Variants in TMEFF2 observed in about 807,000 individuals in gnomAD.
TMEFF2 encodes transmembrane protein with EGF like and two follistatin like domains 2.
In TMEFF2, 28 loss-of-function variants were observed where a neutral mutation model predicts 53.8. That is an observed-to-expected ratio of 0.52 (90% CI 0.39 to 0.71). The LOEUF is 0.71. Among genes scored for constraint, TMEFF2 ranks in the 30% least tolerant of loss-of-function variants. The probability of loss-of-function intolerance (pLI) is 0.00; values close to 1 mark genes in which losing one functional copy is unlikely to be tolerated. For missense variants in TMEFF2, 353 were observed against 455.2 expected, an observed-to-expected ratio of 0.78 and a Z score of 2.04; for synonymous variants, 162 against 166.3, an observed-to-expected ratio of 0.97 and a Z score of 0.20.
rs775041815 is a variant in TMEFF2, at chr2:191,998,331, A to G, written c.686-10T>C. Reference sequence around the variant, plus strand: ...GTTGTAGTTGTGTTATCTGTGTTAAAAAATTAACAATAAAAATTGATTAAC... The same window carrying G: ...GTTGTAGTTGTGTTATCTGTGTTAAGAAATTAACAATAAAAATTGATTAAC... On this transcript the variant is annotated splice_polypyrimidine_tract_variant and intron_variant, in intron 6 of 9. Transcript: ENST00000272771. The G allele has an allele frequency of 6.3e-7, 1 of 1,579,592 alleles. No homozygotes were observed. The highest frequency in any genetic ancestry group is 1.4e-5 in the African/African-American group (1 of 73,342).
intron 5 of TMEFF2, chr2:192,043,810 AAC>A (rs1264230442): frequency 1.3e-5 from 2 of 152,228 alleles, no homozygotes; most frequent in Non-Finnish European, 2.9e-5. Flanking sequence ...AACACAAAGA[AAC>A]ACTACATTCC....
At chr2:192,055,600 C>A (rs1337984982) in intron 5 of TMEFF2, among the ~76,000 whole-genome samples, 9 of 151,624 alleles carry the variant, frequency 5.9e-5, no homozygotes, top group Admixed American at 5.9e-4. Flanking sequence ...TATGATGAAA[C>A]CCCATCTCTA....
At chr2:192,039,838 G>A (rs1687428938) in intron 5 of TMEFF2, among the ~76,000 whole-genome samples, 1 of 152,010 alleles carries the variant, frequency 6.6e-6, no homozygotes, top group Admixed American at 6.6e-5. Flanking sequence ...CTAATCTCTG[G>A]CTGAGATTAT....
chr2:192,054,030 T>C (rs2105899417), intron 5 of TMEFF2, among the ~76,000 whole-genome samples: 1 of 152,102 alleles, frequency 6.6e-6, no homozygotes, highest in South Asian at 2.1e-4. Flanking sequence ...ACTAATAACT[T>C]TTGTTCTTGT....
chr2:192,077,384 A>G (rs1422564050), intron 4 of TMEFF2, among the ~76,000 whole-genome samples: 1 of 152,196 alleles, frequency 6.6e-6, no homozygotes, highest in East Asian at 1.9e-4. Flanking sequence ...ATGTATAAAA[A>G]AACTCTGGTT....
chr2:192,156,741 A>G (rs1690515057), intron 4 of TMEFF2, among the ~76,000 whole-genome samples: 1 of 151,982 alleles, frequency 6.6e-6, no homozygotes, highest in South Asian at 2.1e-4. Context: ...AAATAATCAC[A>G]CTTAAAGTGT....
intron 4 of TMEFF2, among the ~76,000 whole-genome samples, chr2:192,139,946 AC>A (rs1690097900): frequency 1.3e-5 from 2 of 152,116 alleles, no homozygotes; most frequent in Non-Finnish European, 2.9e-5. Flanking sequence ...TCAGTTCAAC[AC>A]TTTTTTTCTT....
chr2:192,122,097 G>T (rs1689569788), intron 4 of TMEFF2, among the ~76,000 whole-genome samples: 1 of 152,072 alleles, frequency 6.6e-6, no homozygotes, highest in Non-Finnish European at 1.5e-5. Context: ...TGATGAATAT[G>T]CCAATTACTA....
intron 7 of TMEFF2, among the ~76,000 whole-genome samples, chr2:191,976,665 T>G (rs988785492): frequency 6.6e-6 from 1 of 152,118 alleles, no homozygotes; most frequent in African/African-American, 2.4e-5. Flanking sequence ...AAAGAAAGAG[T>G]CTGAAAAGCA....
intron 4 of TMEFF2, among the ~76,000 whole-genome samples, chr2:192,069,982 GTGTGTGTATATATATATATATATATATA>G (rs1386752911): frequency 6.9e-3 from 57 of 8,282 alleles, no homozygotes; most frequent in African/African-American, 0.015. Context: ...GTGTGTGTGT[GTGTGTGTATATATATATATATATATATA>G]TATATATATA....
rs1322397398 is a variant in TMEFF2 at position 192,106,726 on chromosome 2, T to C, written c.440-48951A>G. ...TTTGGTAAGTTCCAAGATGAATATA[T>C]TGTCCTAGTCCCCATGGAGCTCACA... On this transcript the variant is annotated intron_variant, in intron 4 of 9. Transcript: ENST00000272771. Among the ~76,000 whole-genome samples, 21 of 151,876 alleles carry C rather than the reference T, an allele frequency of 1.4e-4. 1 individual carries two copies. Among genetic ancestry groups the C allele is most frequent in the Admixed American group, 1.4e-3 (21 of 15,234 alleles).
intron 4 of TMEFF2, among the ~76,000 whole-genome samples, chr2:192,133,669 T>C (rs1689918462): frequency 1.3e-5 from 2 of 152,178 alleles, no homozygotes; most frequent in South Asian, 4.1e-4. Flanking sequence ...ATCTCAAACG[T>C]GCTTTCTTTA....
intron 4 of TMEFF2, among the ~76,000 whole-genome samples, chr2:192,170,050 A>G (rs1400845391): frequency 1.3e-5 from 2 of 152,088 alleles, no homozygotes; most frequent in African/African-American, 4.8e-5. Flanking sequence ...ATATTTTAAA[A>G]TAACAGCTAT....
chr2:192,036,328 C>A (rs1687292406), intron 5 of TMEFF2: 1 of 152,156 alleles, frequency 6.6e-6, no homozygotes, highest in Non-Finnish European at 1.5e-5. Flanking sequence ...GCTGGAAGAG[C>A]AGAATGCACT....
intron 7 of TMEFF2, among the ~76,000 whole-genome samples, chr2:191,990,517 G>A (rs1466195855): frequency 6.7e-6 from 1 of 149,286 alleles, no homozygotes; most frequent in African/African-American, 2.5e-5. Flanking sequence ...AGAGCATTGG[G>A]ATATATCCTA....
chr2:192,052,357 A>AC (rs1687792790), intron 5 of TMEFF2, among the ~76,000 whole-genome samples: 1 of 152,114 alleles, frequency 6.6e-6, no homozygotes, highest in African/African-American at 2.4e-5. Context: ...TCAAGTATCA[A>AC]CCCCCGGGCT....
intron 2 of TMEFF2, among the ~76,000 whole-genome samples, chr2:192,188,403 T>C (rs1691369033): frequency 6.6e-6 from 1 of 152,182 alleles, no homozygotes; most frequent in Non-Finnish European, 1.5e-5. Flanking sequence ...GGTCTTCAGC[T>C]GACAGTCAGA....
chr2:192,115,203 A>T (rs933593608), intron 4 of TMEFF2, among the ~76,000 whole-genome samples: 1 of 152,054 alleles, frequency 6.6e-6, no homozygotes, highest in African/African-American at 2.4e-5. Flanking sequence ...AAGCTATGGT[A>T]ATCAAAACAA....
At chr2:191,977,079 C>G (rs1185702045) in intron 7 of TMEFF2, among the ~76,000 whole-genome samples, 1 of 152,182 alleles carries the variant, frequency 6.6e-6, no homozygotes, top group African/African-American at 2.4e-5. Context: ...ATGAAAGTGG[C>G]TGTTATATTA....
Sources: allele counts gnomAD v4.1 joint callset (sites outside exome capture counted in the v4.1 genomes callset), GRCh38; gene constraint gnomAD v4.1.1; transcripts MANE v1.5; gene names NCBI Gene and HGNC (gene_info 2026-07-23, HGNC 2026-07-21).